Variants in LYST observed in about 807,000 individuals in gnomAD.
The protein encoded by LYST is lysosomal trafficking regulator.
Under a neutral mutation model 413.6 loss-of-function variants are expected in LYST, and 192 were observed. The ratio of observed to expected loss-of-function variants is 0.46; its 90% CI spans 0.41 to 0.52. LYST has a LOEUF of 0.52. Among genes scored for constraint, LYST ranks in the 20% least tolerant of loss-of-function variants. LYST has a pLI of 0.00. For missense variants in LYST, 3,815 were observed against 4,499.9 expected (o/e 0.85, Z 4.35); for synonymous variants, 1,525 against 1,567.3 (o/e 0.97, Z 0.64).
Position 235,801,077 on chromosome 1 carries a change from T to C in LYST, c.3733A>G (p.Thr1245Ala), listed in dbSNP as rs973733942. The C allele has an allele frequency of 1.6e-5, 25 of 1,610,112 alleles. No individual in the cohort carries two copies. Among genetic ancestry groups the C allele is most frequent in the African/African-American group, 2.7e-5 (2 of 74,846 alleles). Residue 1245 changes from threonine (T) to alanine (A), a missense_variant, in exon 9 of 53, where the codon ACA becomes GCA. Physicochemically the swap from Thr to Ala is moderately conservative, Grantham distance 58. Transcript: ENST00000389793. ...CTGCTTGATGCACTGAAACCTTCTG[T>C]TTCAGACTTTAAGTCTACCCCTGAA... ...QDDGVDLKSE[T>A]EGFSASSSPN...
intron 1 of LYST, among the ~76,000 whole-genome samples, chr1:235,836,939 G>A (rs1676643429): frequency 6.6e-6 from 1 of 152,142 alleles, no homozygotes; most frequent in South Asian, 2.1e-4. Flanking sequence ...AATCAATTTG[G>A]GAATCATCAG....
chr1:235,723,907 G>A (rs185080284), intron 39 of LYST, 121 bp downstream of exon 39: 6 of 855,190 alleles, frequency 7.0e-6, no homozygotes, highest in Admixed American at 5.9e-5. Context: ...CTTTAATCAG[G>A]ACTAAGAAAC....
chr1:235,752,090 G>C lies in LYST; in HGVS notation c.7542C>G (p.Ser2514=). The part of the protein sequence containing the change: ...FIAVTIHACS[S]SGSQYFRVIE... ...TAACCCTAAAATATTGTGAGCCTGA[G>C]GAACTGCAAGCATGAATTGTAACTG... Residue 2514 remains serine (S), a synonymous_variant, in exon 27 of 53, where the codon TCC becomes TCG. Coordinates refer to ENST00000389793, the MANE Select transcript of LYST (RefSeq NM_000081.4). 1 of 1,610,672 alleles carries C rather than the reference G, an allele frequency of 6.2e-7. No individual in the cohort carries two copies. Among genetic ancestry groups the C allele is most frequent in the Non-Finnish European group, 8.5e-7 (1 of 1,177,310 alleles).
chr1:235,730,701 G>T, intron 36 of LYST, 146 bp downstream of exon 36: 1 of 622,726 alleles, frequency 1.6e-6, no homozygotes, highest in Non-Finnish European at 2.8e-6. Flanking sequence ...TTGGATTTTG[G>T]CCATATAACC....
At position 235,809,909 on chromosome 1, in the gene LYST, G is replaced by T; in HGVS notation, c.909C>A (p.Ser303Arg). 1.2e-6 allele frequency: 2 copies of T among 1,613,926 alleles called. No individual in the cohort carries two copies. Among genetic ancestry groups the T allele is most frequent in the Non-Finnish European group, 1.7e-6 (2 of 1,179,974 alleles). Residue 303 changes from serine (S) to arginine (R), a missense_variant, in exon 5 of 53, where the codon AGC (serine) becomes AGA (arginine). Coordinates refer to ENST00000389793, the MANE Select transcript of LYST (RefSeq NM_000081.4). The surrounding 1 kb of genome is among the most constrained non-coding windows in gnomAD (Gnocchi z 4.0). The stretch of plus-strand genomic sequence containing the variant: ...AAACTACTCGACTCTCCAAGTTGTC[G>T]CTCAGACTGCAGCAGTCCCCAAAGC... ...LAGFGDCCSLSDNLESRVVSA... is the reference protein window; with the variant it reads ...LAGFGDCCSLRDNLESRVVSA...
intron 23 of LYST, among the ~76,000 whole-genome samples, chr1:235,757,872 C>T (rs1018786901): frequency 2.0e-5 from 3 of 148,558 alleles, no homozygotes; most frequent in Admixed American, 1.3e-4. Flanking sequence ...ACTTGAGATG[C>T]TATTGGAAAT....
rs1266073994 is a variant in LYST at position 235,724,106 on chromosome 1, C to A, written c.9237G>T (p.Trp3079Cys). The change falls in exon 39 of 53, where the codon TGG (tryptophan) becomes TGT (cysteine). Residue 3079 changes from tryptophan to cysteine, a missense_variant. Around this residue, in one of 4 missense-constraint regions of LYST, gnomAD observed 866 missense variants for 1,156.0 expected, o/e 0.75. Coordinates refer to ENST00000389793, the MANE Select transcript of LYST (RefSeq NM_000081.4). ...YEEIKEVHKRWWQLRDNAVEI... is the reference protein window; with the variant it reads ...YEEIKEVHKRCWQLRDNAVEI... ...CTACAGCATTATCTCTCAATTGCCA[C>A]CAACGCTTGTGAACTTCTTTAATTT... is the stretch of plus-strand genomic sequence containing the variant. The A allele has an allele frequency of 6.2e-7, 1 of 1,613,494 alleles. No individual in the cohort carries two copies. Among genetic ancestry groups the A allele is most frequent in the Admixed American group, 1.7e-5 (1 of 60,018 alleles).
chr1:235,755,182 G>A (rs1000602931), intron 25 of LYST, among the ~76,000 whole-genome samples: 1 of 149,702 alleles, frequency 6.7e-6, no homozygotes, highest in Non-Finnish European at 1.5e-5. Context: ...GAGGTCAGGA[G>A]TTTGAGACCA....
In LYST at chr1:235,730,855, T is replaced by C. The variant is rs777035183; in HGVS notation, c.9036A>G (p.Glu3012=). The change falls in exon 36 of 53, where the codon GAA becomes GAG. Residue 3012 remains glutamate (E), a synonymous_variant. Coordinates refer to ENST00000389793, the MANE Select transcript of LYST (RefSeq NM_000081.4). ...TATTGATTCAAAGTTACCTTATAGA[T>C]TCACTTGCAGCTTTGTCTTTGACAG... ...SSTVKDKAAS[E]SIRVNRRCIS... The C allele has an allele frequency of 6.2e-6, 10 of 1,600,948 alleles. No individual in the cohort carries two copies. The highest frequency in any genetic ancestry group is 7.7e-6 in the Non-Finnish European group (9 of 1,168,136).
intron 31 of LYST, 58 bp downstream of exon 31, chr1:235,741,364 T>C: frequency 7.4e-7 from 1 of 1,360,288 alleles, no homozygotes; most frequent in South Asian, 1.2e-5. Context: ...TCTTGTTTTA[T>C]TCAGACTTTG....
intron 10 of LYST, among the ~76,000 whole-genome samples, 178 bp from the exon 11 acceptor site, chr1:235,793,790 C>T (rs1479236965): frequency 1.3e-5 from 2 of 151,808 alleles, no homozygotes; most frequent in Non-Finnish European, 2.9e-5. Context: ...GTAAATCAAC[C>T]AACCAACAAA....
chr1:235,728,757 T>C (rs1370477059), intron 37 of LYST, among the ~76,000 whole-genome samples: 8 of 152,210 alleles, frequency 5.3e-5, no homozygotes, highest in Admixed American at 4.6e-4. Flanking sequence ...AGTAGTGGCA[T>C]GGCTAGCTCA....
In LYST at chr1:235,664,383, G is replaced by T; in HGVS notation, c.11195+82C>A. On this transcript the variant is annotated intron_variant, in intron 51 of 52. Transcript: ENST00000389793. This position sits in a 1 kb window ranked among gnomAD's most constrained non-coding sequence, Gnocchi z 4.5. ...ATCTCTAAATACTGAATATTAATATGCCTAGATATTAAAAATTAATTTCTG... is the reference window on the plus strand; with the variant it reads ...ATCTCTAAATACTGAATATTAATATTCCTAGATATTAAAAATTAATTTCTG... 2 of 1,242,398 alleles carry T rather than the reference G, an allele frequency of 1.6e-6. No homozygotes were observed. The highest frequency in any genetic ancestry group is 2.3e-6 in the Non-Finnish European group (2 of 852,230). The allele number at this position is 1,242,398 out of a possible 1,614,324, so 77.0% of individuals were successfully genotyped here.
At chr1:235,756,584 A>C (rs536792787) in intron 24 of LYST, among the ~76,000 whole-genome samples, 1 of 152,310 alleles carries the variant, frequency 6.6e-6, no homozygotes, top group South Asian at 2.1e-4. Context: ...ACTAAAGAAA[A>C]ATGAGAATCT....
At chr1:235,722,320 T>A (rs967485195) in intron 39 of LYST, among the ~76,000 whole-genome samples, 1 of 152,302 alleles carries the variant, frequency 6.6e-6, no homozygotes, top group Admixed American at 6.5e-5. Context: ...AGAAAAGATA[T>A]GATCCAACAT....
At chr1:235,778,596 A>C (rs2103464744) in intron 16 of LYST, among the ~76,000 whole-genome samples, 1 of 151,948 alleles carries the variant, frequency 6.6e-6, no homozygotes, top group African/African-American at 2.4e-5. Flanking sequence ...CTGGTCTCGA[A>C]CTGGCTGGTC....
chr1:235,724,238 T>C, intron 38 of LYST, 58 bp from the exon 39 acceptor site: 1 of 1,403,134 alleles, frequency 7.1e-7, no homozygotes. Flanking sequence ...ATAATTACTT[T>C]AATTTTAGAT....
At chr1:235,883,062 G>A (rs1186368711) in intron 1 of LYST, 1 of 151,984 alleles carries the variant, frequency 6.6e-6, no homozygotes, top group Non-Finnish European at 1.5e-5. Context: ...AGCACTGCCA[G>A]AAATTCATCC....
Position 235,809,675 on chromosome 1 carries a change from T to C in LYST, c.1143A>G (p.Thr381=), listed in dbSNP as rs750251694. The C allele has an allele frequency of 6.2e-7, 1 of 1,613,586 alleles. No homozygotes were observed. The highest frequency in any genetic ancestry group is 8.5e-7 in the Non-Finnish European group (1 of 1,179,894). ...CAAAATCTTCCTGAACCTCCTGCAG[T>C]GTTTTCTTTTGTCTTGGTGCAAAAG... is the stretch of plus-strand genomic sequence containing the variant. The part of the protein sequence containing the change: ...PDPFAPRQKK[T]LQEVQEDFVF... The change falls in exon 5 of 53, where the codon ACA becomes ACG. Residue 381 remains threonine, a synonymous_variant. Coordinates refer to ENST00000389793, the MANE Select transcript of LYST (RefSeq NM_000081.4). This position sits in a 1 kb window ranked among gnomAD's most constrained non-coding sequence, Gnocchi z 4.0.
Sources: gnomAD v4.1 joint callset for allele counts (sites outside exome capture counted in the v4.1 genomes callset) on GRCh38, gnomAD v4.1.1 for gene constraint, gnomAD v4.1.1 regional missense constraint, Gnocchi (gnomAD v3.1) non-coding constraint, MANE v1.5 for transcripts, NCBI Gene and HGNC (gene_info 2026-07-23, HGNC 2026-07-21) for gene names.